Variants in SPATA7 observed in about 807,000 individuals in gnomAD.
The protein encoded by SPATA7 is spermatogenesis-associated protein 7.
Under a neutral mutation model 51.8 loss-of-function variants are expected in SPATA7, and 43 were observed. That is an observed-to-expected ratio of 0.83 (90% CI 0.65 to 1.07). SPATA7 has a LOEUF of 1.07. Ranked by LOEUF, SPATA7 falls within the 50% of genes least tolerant of loss-of-function variation. The probability of loss-of-function intolerance (pLI) is 0.00; values close to 1 mark genes in which losing one functional copy is unlikely to be tolerated. For synonymous variants in SPATA7, 230 were observed against 252.8 expected (o/e 0.91, Z 0.86); for missense variants, 683 against 701.3 (o/e 0.97, Z 0.30).
intron 3 of SPATA7, among the ~76,000 whole-genome samples, chr14:88,453,452 C>G (rs2077265315): frequency 6.6e-6 from 1 of 151,930 alleles, no homozygotes; most frequent in South Asian, 2.1e-4. Context: ...AAGTAAAGAA[C>G]AGAGCAGCTT....
chr14:88,450,046 G>T (rs919686295), intron 3 of SPATA7, among the ~76,000 whole-genome samples: 9 of 152,060 alleles, frequency 5.9e-5, no homozygotes, highest in African/African-American at 2.2e-4. Flanking sequence ...CTGGGTTAAT[G>T]TAGGAGGGTT....
chr14:88,408,124 A>T (rs567719150), intron 4 of SPATA7, among the ~76,000 whole-genome samples: 1 of 152,268 alleles, frequency 6.6e-6, no homozygotes, highest in African/African-American at 2.4e-5. Flanking sequence ...AATTTAAAAT[A>T]GTTTTTTTCT....
At chr14:88,436,278 A>G (rs1345638437) in intron 10 of SPATA7, among the ~76,000 whole-genome samples, 5 of 152,122 alleles carry the variant, frequency 3.3e-5, no homozygotes, top group African/African-American at 1.2e-4. Flanking sequence ...TTCCCTATAA[A>G]TCTAATAGTA....
chr14:88,394,248 G>GA (rs1251515911), intron 3 of SPATA7, among the ~76,000 whole-genome samples: 1 of 152,094 alleles, frequency 6.6e-6, no homozygotes, highest in African/African-American at 2.4e-5. Flanking sequence ...GCCCTTTGTA[G>GA]AAAAAATTTG....
chr14:88,467,381 T>C (rs2077380977), intron 4 of SPATA7: 2 of 152,220 alleles, frequency 1.3e-5, no homozygotes, highest in Admixed American at 1.3e-4. Flanking sequence ...AAAATAATGC[T>C]TATTCTCTTA....
chr14:88,433,124 T>C lies in SPATA7; in HGVS notation c.1083-11T>C, dbSNP rs756573061. 6.2e-7 allele frequency: 1 copy of C among 1,607,162 alleles called. No homozygotes were observed. The highest frequency in any genetic ancestry group is 8.5e-7 in the Non-Finnish European group (1 of 1,175,654). On this transcript the variant is annotated splice_polypyrimidine_tract_variant and intron_variant, in intron 9 of 11. Transcript: ENST00000393545. ...ATAATTTTTATGCTATATATTGCCT[T>C]CCTTTTACAGTGAAGAAGAACTGTT...
intron 3 of SPATA7, among the ~76,000 whole-genome samples, chr14:88,451,245 C>T (rs140020070): frequency 1.3e-5 from 2 of 152,304 alleles, no homozygotes; most frequent in East Asian, 1.9e-4. Flanking sequence ...TCTTGGCTAC[C>T]TGCAACCTCT....
chr14:88,460,975 T>C (rs1384749796), intron 4 of SPATA7, among the ~76,000 whole-genome samples: 1 of 152,202 alleles, frequency 6.6e-6, no homozygotes, highest in Non-Finnish European at 1.5e-5. Context: ...GGAGGTCCAC[T>C]CCAGACCCTG....
chr14:88,463,852 T>C (rs1238226427), intron 4 of SPATA7, among the ~76,000 whole-genome samples: 1 of 120,818 alleles, frequency 8.3e-6, no homozygotes, highest in African/African-American at 4.1e-5. Context: ...TCTGTTTTTG[T>C]TTTGTTTTTT....
intron 4 of SPATA7, among the ~76,000 whole-genome samples, chr14:88,410,038 A>G (rs1420862784): frequency 6.6e-6 from 1 of 152,088 alleles, no homozygotes; most frequent in Admixed American, 6.5e-5. Flanking sequence ...AATAAATGTG[A>G]TATGCTGCTG....
At position 88,433,172 on chromosome 14, in the gene SPATA7, G is replaced by A. The variant is rs748464308; in HGVS notation, c.1120G>A (p.Val374Ile). 2 of 1,611,704 alleles carry A rather than the reference G, an allele frequency of 1.2e-6. No homozygotes were observed. The highest frequency in any genetic ancestry group is 1.7e-6 in the Non-Finnish European group (2 of 1,179,372). ...GTTGTATCTGAGTTTCATTGAAGATGTAACAGATGAAATTTTGAAACTTGG... is the reference window on the plus strand; with the variant it reads ...GTTGTATCTGAGTTTCATTGAAGATATAACAGATGAAATTTTGAAACTTGG... Reference protein sequence around the residue: ...ELLYLSFIEDVTDEILKLGLF... With the variant: ...ELLYLSFIEDITDEILKLGLF... Residue 374 changes from valine (V) to isoleucine (I), a missense_variant, in exon 10 of 12, where the codon GTA (valine) becomes ATA (isoleucine). Coordinates refer to ENST00000393545, the MANE Select transcript of SPATA7 (RefSeq NM_018418.5).
chr14:88,459,532 G>A (rs921364890), downstream of SPATA7, among the ~76,000 whole-genome samples: 1 of 152,130 alleles, frequency 6.6e-6, no homozygotes, highest in Non-Finnish European at 1.5e-5. Context: ...CAGAGACTAG[G>A]ATTGCAACCC....
At chr14:88,419,178 CT>C (rs1213970413) in intron 5 of SPATA7, among the ~76,000 whole-genome samples, 1 of 151,948 alleles carries the variant, frequency 6.6e-6, no homozygotes, top group Non-Finnish European at 1.5e-5. Context: ...GCTATTTCTC[CT>C]TGTGGTACTA....
At chr14:88,468,856 C>T (rs531245697) in intron 4 of SPATA7, 19 of 1,603,984 alleles carry the variant, frequency 1.2e-5, no homozygotes, top group Non-Finnish European at 1.6e-5. Context: ...GTCACTATGT[C>T]CCTCTCTTCC....
chr14:88,452,919 C>G (rs1404866768), intron 3 of SPATA7, among the ~76,000 whole-genome samples: 1 of 152,032 alleles, frequency 6.6e-6, no homozygotes, highest in Non-Finnish European at 1.5e-5. Flanking sequence ...ACATAGAGGT[C>G]CTCTCTCTCT....
At chr14:88,387,048 C>T (rs10144705) in intron 1 of SPATA7, among the ~76,000 whole-genome samples, 7,597 of 152,216 alleles carry the variant, frequency 0.05, 600 homozygotes, top group African/African-American at 0.17. Flanking sequence ...TACAAAAATA[C>T]CTTGATAGGC....
intron 9 of SPATA7, 65 bp downstream of exon 9, chr14:88,431,290 T>C: frequency 7.0e-7 from 1 of 1,437,966 alleles, no homozygotes. Context: ...AAAGAAACCA[T>C]ATTAAATAAG....
downstream of SPATA7, among the ~76,000 whole-genome samples, chr14:88,457,671 C>A (rs571033665): frequency 8.5e-5 from 13 of 152,196 alleles, no homozygotes; most frequent in East Asian, 3.9e-4. Context: ...GTCATCTGCA[C>A]ACAGGGACAA....
intron 10 of SPATA7, among the ~76,000 whole-genome samples, chr14:88,435,439 A>G (rs1053821534): frequency 6.6e-6 from 1 of 152,180 alleles, no homozygotes; most frequent in Non-Finnish European, 1.5e-5. Context: ...ACAAACGATC[A>G]GATTACATTC....
Sources: allele counts gnomAD v4.1 joint callset (sites outside exome capture counted in the v4.1 genomes callset), GRCh38; gene constraint gnomAD v4.1.1; transcripts MANE v1.5; gene names NCBI Gene and HGNC (gene_info 2026-07-23, HGNC 2026-07-21).